PTPRN: variants seen among roughly 807,000 people sequenced by gnomAD.
The protein encoded by PTPRN is receptor-type tyrosine-protein phosphatase-like N.
In PTPRN, 70 loss-of-function variants were observed where a neutral mutation model predicts 108.5. That is an observed-to-expected ratio of 0.65 (90% CI 0.53 to 0.79). The LOEUF (loss-of-function observed/expected upper bound fraction) is 0.79, where lower values mean the gene tolerates loss of function less well. PTPRN is among the 30% of genes least tolerant of loss of function. The probability of loss-of-function intolerance (pLI) is 0.00; values close to 1 mark genes in which losing one functional copy is unlikely to be tolerated. For synonymous variants in PTPRN, 496 were observed against 524.6 expected, an observed-to-expected ratio of 0.95 and a Z score of 0.75; for missense variants, 1,136 against 1,295.5, an observed-to-expected ratio of 0.88 and a Z score of 1.89.
chr2:219,308,933 TCTAAGTCC>T, intron 1 of PTPRN: 1 of 1,424,428 alleles, frequency 7.0e-7, no homozygotes, highest in Non-Finnish European at 9.4e-7. Context: ...GCAGCCGGTC[TCTAAGTCC>T]CTCTGCCCAC....
intron 3 of PTPRN, among the ~76,000 whole-genome samples, chr2:219,305,649 T>C (rs1292226494): frequency 2.0e-5 from 3 of 152,208 alleles, no homozygotes; most frequent in Admixed American, 6.6e-5. Flanking sequence ...ACCATCTATA[T>C]GCCAAAGAAT....
At chr2:219,303,465 G>T (rs1167853245) in intron 4 of PTPRN, among the ~76,000 whole-genome samples, 1 of 152,218 alleles carries the variant, frequency 6.6e-6, no homozygotes, top group Non-Finnish European at 1.5e-5. Flanking sequence ...TTTCTCCCAT[G>T]ATGACTACAT....
Position 219,298,077 on chromosome 2 carries a change from G to A in PTPRN, c.1695C>T (p.Pro565=). The change falls in exon 13 of 23, where the codon CCC becomes CCT. Residue 565 remains proline, a synonymous_variant. Coordinates refer to ENST00000295718, the MANE Select transcript of PTPRN (RefSeq NM_002846.4). ...GQREEAAAVL[P]QTAHSTSPMR... is the part of the protein sequence containing the mutation. ...TGGGTGAGGTGCTGTGCGCAGTTTG[G>A]GGAAGGACTGCAGCTGCCTCCTCCC... 1 of 1,613,690 alleles carries A rather than the reference G, an allele frequency of 6.2e-7. No homozygotes were observed. Among genetic ancestry groups the A allele is most frequent in the East Asian group, 2.2e-5 (1 of 44,886 alleles).
chr2:219,291,078 C>T (rs1559291719), intron 20 of PTPRN, among the ~76,000 whole-genome samples, 188 bp from the exon 21 acceptor site: 1 of 151,990 alleles, frequency 6.6e-6, no homozygotes, highest in African/African-American at 2.4e-5. Flanking sequence ...GGGACTTGGG[C>T]CTTGAGAGGG....
At chr2:219,307,423 T>C in intron 3 of PTPRN, 21 bp downstream of exon 3, 1 of 1,598,980 alleles carries the variant, frequency 6.3e-7, no homozygotes, top group East Asian at 2.2e-5. Context: ...ATCTCTCTCC[T>C]CCAGTGCACC....
chr2:219,295,308 T>A (rs536360524), intron 18 of PTPRN, 167 bp from the exon 19 acceptor site: 1 of 667,912 alleles, frequency 1.5e-6, no homozygotes, highest in African/African-American at 1.9e-5. Context: ...CTGTCACTTA[T>A]CTACTGCTCA....
intron 3 of PTPRN, among the ~76,000 whole-genome samples, chr2:219,304,933 G>A (rs1414128411): frequency 6.6e-6 from 1 of 152,166 alleles, no homozygotes; most frequent in East Asian, 1.9e-4. Flanking sequence ...TATACTGACT[G>A]TATCCAATTC....
At chr2:219,299,503 T>A in intron 10 of PTPRN, 119 bp from the exon 11 acceptor site, 1 of 1,238,390 alleles carries the variant, frequency 8.1e-7, no homozygotes, top group Non-Finnish European at 1.2e-6. Context: ...GGGGATGCCC[T>A]ACAGGGGCAT....
Position 219,290,021 on chromosome 2 carries a change from T to A in PTPRN, c.*205A>T, listed in dbSNP as rs1952016942. The A allele has an allele frequency of 1.7e-6, 1 of 590,550 alleles. No homozygotes were observed. Among genetic ancestry groups the A allele is most frequent in the Non-Finnish European group, 3.1e-6 (1 of 325,434 alleles). The allele number at this position is 590,550 out of a possible 1,614,324, so 36.6% of individuals were successfully genotyped here. A position where few individuals can be genotyped will look rare whatever the true frequency, so the allele number is the denominator to read the frequency against. ...TCCTGGCTGCAGCACCCCCATGGGA[T>A]GCCCTGGGCTCTGGGATGCCCCAGG... On this transcript the variant is annotated 3_prime_UTR_variant, in exon 23 of 23. Coordinates refer to ENST00000295718, the MANE Select transcript of PTPRN (RefSeq NM_002846.4). The surrounding 1 kb of genome is among the most constrained non-coding windows in gnomAD (Gnocchi z 4.2).
Position 219,296,974 on chromosome 2 carries a change from G to A in PTPRN, c.2236+11C>T. ...AGGGCTGGGCCAGGTGGGCCAGCAG[G>A]GTTCACTCACAGGGCAGGAAGTCAG... On this transcript the variant is annotated intron_variant, in intron 15 of 22. Transcript: ENST00000295718. This position sits in a 1 kb window ranked among gnomAD's most constrained non-coding sequence, Gnocchi z 6.0. 1.2e-6 allele frequency: 2 copies of A among 1,613,614 alleles called. No individual in the cohort carries two copies. Among genetic ancestry groups the A allele is most frequent in the Admixed American group, 1.7e-5 (1 of 60,014 alleles).
intron 8 of PTPRN, among the ~76,000 whole-genome samples, chr2:219,300,685 C>G (rs1455700314): frequency 6.6e-6 from 1 of 152,190 alleles, no homozygotes; most frequent in Non-Finnish European, 1.5e-5. Context: ...CCCTCCTCCC[C>G]TAGGAATCCT....
chr2:219,296,942 C>T lies in PTPRN; in HGVS notation c.2236+43G>A. The T allele has an allele frequency of 6.2e-7, 1 of 1,612,702 alleles. No homozygotes were observed. ...ACCCCAAGCCCTCCAGACCTCGCAG[C>T]AGAGAGAGGGCTGGGCCAGGTGGGC... is the stretch of plus-strand genomic sequence containing the variant. On this transcript the variant is annotated intron_variant, in intron 15 of 22. Coordinates refer to ENST00000295718, the MANE Select transcript of PTPRN (RefSeq NM_002846.4). The surrounding 1 kb of genome is among the most constrained non-coding windows in gnomAD (Gnocchi z 6.0).
chr2:219,307,704 C>A, intron 2 of PTPRN, 88 bp downstream of exon 2: 1 of 1,531,850 alleles, frequency 6.5e-7, no homozygotes, highest in East Asian at 2.2e-5. Flanking sequence ...CAGTAGCCCT[C>A]TTCCTTTCTG....
chr2:219,294,078 C>T (rs542872066), intron 19 of PTPRN: 1 of 526,306 alleles, frequency 1.9e-6, no homozygotes, highest in African/African-American at 1.9e-5. Flanking sequence ...CGGGGTGGTC[C>T]CCGGGCCACA....
At position 219,307,393 on chromosome 2, in the gene PTPRN, C is replaced by G. The variant is rs1236789115; in HGVS notation, c.280+51G>C. On this transcript the variant is annotated intron_variant, in intron 3 of 22. Coordinates refer to ENST00000295718, the MANE Select transcript of PTPRN (RefSeq NM_002846.4). ...CTTGAAGAGAAATCTTCTTCCCCAC[C>G]CATAACTAACCAAGTTCCAATCTCT... 16 of 1,474,404 alleles carry G rather than the reference C, an allele frequency of 1.1e-5. No individual in the cohort carries two copies. In the Admixed American group the frequency reaches 2.8e-4, roughly 26 times the overall value. 91.3% of individuals were successfully genotyped at this position (1,474,404 alleles called of 1,614,324 possible).
At chr2:219,291,598 G>A in intron 19 of PTPRN, 75 bp from the exon 20 acceptor site, 2 of 1,439,798 alleles carry the variant, frequency 1.4e-6, no homozygotes, top group Non-Finnish European at 1.9e-6. Flanking sequence ...ACATGACGTG[G>A]GCCTCTCTTT....
At chr2:219,308,192 C>A in intron 1 of PTPRN, 1 of 301,122 alleles carries the variant, frequency 3.3e-6, no homozygotes, top group Non-Finnish European at 6.3e-6. Context: ...TATGGAAAAG[C>A]ATCCTATAAT....
chr2:219,299,368 G>A lies in PTPRN; in HGVS notation c.1540C>T (p.Leu514Phe). 6.2e-7 allele frequency: 1 copy of A among 1,614,266 alleles called. No individual in the cohort carries two copies. The highest frequency in any genetic ancestry group is 8.5e-7 in the Non-Finnish European group (1 of 1,180,040). ...TCATTGTGCCGGATGCGGAAGGTGAGGGCTGGTCCCACCACACTGCCAGAT... is the reference window on the plus strand; with the variant it reads ...TCATTGTGCCGGATGCGGAAGGTGAAGGCTGGTCCCACCACACTGCCAGAT... The part of the protein sequence containing the change: ...FINISVVGPA[L>F]TFRIRHNEQN... The change falls in exon 11 of 23, where the codon CTC (leucine) becomes TTC (phenylalanine). Residue 514 changes from leucine to phenylalanine, a missense_variant. Transcript: ENST00000295718.
intron 3 of PTPRN, among the ~76,000 whole-genome samples, chr2:219,306,529 A>G (rs1420009543): frequency 1.3e-5 from 2 of 152,198 alleles, no homozygotes; most frequent in Admixed American, 1.3e-4. Flanking sequence ...TGTCAAGTGT[A>G]AGTCAGATCA....
Sources: gnomAD v4.1 joint callset for allele counts (sites outside exome capture counted in the v4.1 genomes callset) on GRCh38, gnomAD v4.1.1 for gene constraint, Gnocchi (gnomAD v3.1) non-coding constraint, MANE v1.5 for transcripts, NCBI Gene and HGNC (gene_info 2026-07-23, HGNC 2026-07-21) for gene names.